The following EVC variants were observed in gnomAD, a reference collection of about 807,000 sequenced individuals.
EVC encodes the protein EvC ciliary complex subunit 1.
Under a neutral mutation model 118.9 loss-of-function variants are expected in EVC, and 116 were observed. The observed-to-expected ratio is 0.98, with a 90% CI of 0.84 to 1.14. EVC has a LOEUF of 1.14. Among genes scored for constraint, EVC ranks in the 50% most tolerant of loss-of-function variants. EVC has a pLI of 0.00. For synonymous variants in EVC, 619 were observed against 534.7 expected (o/e 1.16, Z -2.18); for missense variants, 1,401 against 1,246.4 (o/e 1.12, Z -1.87).
At chr4:5,732,961 G>A (rs1368889562) in intron 4 of EVC, among the ~76,000 whole-genome samples, 1 of 152,218 alleles carries the variant, frequency 6.6e-6, no homozygotes, top group East Asian at 1.9e-4. Flanking sequence ...AGTAAGCCGT[G>A]ATTGTACCAC....
At chr4:5,770,309 G>GA (rs1733746875) in intron 11 of EVC, among the ~76,000 whole-genome samples, 2 of 152,140 alleles carry the variant, frequency 1.3e-5, no homozygotes, top group African/African-American at 4.8e-5. Context: ...CATGCCCTAA[G>GA]GCCTCCCTGC....
chr4:5,808,458 G>A, intron 18 of EVC, 131 bp downstream of exon 18: 1 of 1,418,978 alleles, frequency 7.0e-7, no homozygotes, highest in Non-Finnish European at 9.7e-7. Context: ...TTGACCCGCT[G>A]AGTCTCACCT....
At chr4:5,783,821 A>G (rs772579539) in intron 12 of EVC, 57 bp downstream of exon 12, 1 of 1,488,046 alleles carries the variant, frequency 6.7e-7, no homozygotes, top group Non-Finnish European at 9.2e-7. Context: ...CACACGAAGA[A>G]GCGTGAGAGA....
At chr4:5,778,552 C>T (rs1305502215) in intron 11 of EVC, among the ~76,000 whole-genome samples, 30 of 152,156 alleles carry the variant, frequency 2.0e-4, no homozygotes, top group Non-Finnish European at 4.4e-5. Context: ...GAGATGATAA[C>T]TCATTGTGGT....
chr4:5,801,988 G>T lies in EVC; in HGVS notation c.2343G>T (p.Val781=). The change falls in exon 16 of 21, where the codon GTG becomes GTT. Residue 781 remains valine (V), a synonymous_variant. Coordinates refer to ENST00000264956, the MANE Select transcript of EVC (RefSeq NM_153717.3). ...LMEAAVESVY[V]TSAGVSRLVQ... is the part of the protein sequence containing the mutation. Reference sequence around the variant, plus strand: ...AGGCGGCAGTGGAGAGCGTCTACGTGACCAGCGCTGGTGTCAGCCGCCTGG... The same window carrying T: ...AGGCGGCAGTGGAGAGCGTCTACGTTACCAGCGCTGGTGTCAGCCGCCTGG... The T allele has an allele frequency of 6.2e-7, 1 of 1,614,072 alleles. No individual in the cohort carries two copies. The highest frequency in any genetic ancestry group is 1.1e-5 in the South Asian group (1 of 91,046).
chr4:5,730,350 A>G (rs536676021), intron 3 of EVC, among the ~76,000 whole-genome samples: 1 of 152,236 alleles, frequency 6.6e-6, no homozygotes, highest in Admixed American at 6.5e-5. Flanking sequence ...GGAATATTTC[A>G]CCTTGTTTAA....
chr4:5,757,386 T>C (rs1731329647), intron 11 of EVC, among the ~76,000 whole-genome samples: 1 of 152,074 alleles, frequency 6.6e-6, no homozygotes. Context: ...CATGCAGTGG[T>C]GGGAAGTGCA....
At chr4:5,821,457 G>A in the EVC span, 1 of 395,390 alleles carries the variant, frequency 2.5e-6, no homozygotes, top group Non-Finnish European at 4.6e-6. This position sits in a 1 kb window ranked among gnomAD's most constrained non-coding sequence, Gnocchi z 4.4. Flanking sequence ...AGCCAGTGGA[G>A]TTAGAAGTGG....
chr4:5,788,919 T>C (rs1304568907), intron 12 of EVC, among the ~76,000 whole-genome samples: 1 of 150,598 alleles, frequency 6.6e-6, no homozygotes, highest in East Asian at 1.9e-4. Context: ...TGAGCTGTCA[T>C]TCGTGTTAGT....
chr4:5,728,894 T>C (rs1726301149), intron 2 of EVC, among the ~76,000 whole-genome samples: 1 of 152,224 alleles, frequency 6.6e-6, no homozygotes, highest in East Asian at 1.9e-4. Context: ...ATGAACATTG[T>C]GCCATTCTCT....
rs758352741 is a variant in EVC at position 5,733,433 on chromosome 4, A to G, written c.700A>G (p.Met234Val). Residue 234 changes from methionine (M) to valine (V), a missense_variant and splice_region_variant, in exon 5 of 21, where the codon ATG (methionine) becomes GTG (valine). Coordinates refer to ENST00000264956, the MANE Select transcript of EVC (RefSeq NM_153717.3). ...CACGGCACTGAGGCAGGAAAAGCAT[A>G]TGGTAGGTGGAGATGTTCGCATTCC... Reference protein sequence around the residue: ...LDTALRQEKHMMFIQIFKMCL... With the variant: ...LDTALRQEKHVMFIQIFKMCL... 1.8e-5 allele frequency: 29 copies of G among 1,613,542 alleles called. No individual in the cohort carries two copies. Among genetic ancestry groups the G allele is most frequent in the Non-Finnish European group, 2.0e-5 (24 of 1,179,638 alleles).
rs1415308677 is a variant in EVC at position 5,729,368 on chromosome 4, AC to A, written c.366del (p.Ile123SerfsTer21). ...TTCGCCCTGAAGGCCAAAGTCATCT[AC>A]CCCATCAATCAGAAGTTCCGGGTGA... ...TAFALKAKVI[Y>X]PINQKFRPLA... On this transcript the variant is annotated frameshift_variant, in exon 3 of 21. Coordinates refer to ENST00000264956, the MANE Select transcript of EVC (RefSeq NM_153717.3). LOFTEE classifies it high-confidence loss of function. The A allele has an allele frequency of 6.2e-7, 1 of 1,613,902 alleles. No individual in the cohort carries two copies. The highest frequency in any genetic ancestry group is 8.5e-7 in the Non-Finnish European group (1 of 1,180,026).
At chr4:5,769,856 C>A (rs139143544) in intron 11 of EVC, among the ~76,000 whole-genome samples, 1 of 152,118 alleles carries the variant, frequency 6.6e-6, no homozygotes, top group Non-Finnish European at 1.5e-5. Context: ...ATAACAGGTG[C>A]TTATGAAGTG....
chr4:5,720,024 G>T (rs529898735), intron 2 of EVC, among the ~76,000 whole-genome samples: 2 of 152,196 alleles, frequency 1.3e-5, no homozygotes, highest in African/African-American at 4.8e-5. Flanking sequence ...CTGGGCCTCT[G>T]GAAGAGATGT....
chr4:5,771,401 A>G (rs945421570), intron 11 of EVC, among the ~76,000 whole-genome samples: 3 of 152,072 alleles, frequency 2.0e-5, no homozygotes, highest in Non-Finnish European at 2.9e-5. Flanking sequence ...ATTCACTTAT[A>G]AGAACCCTGT....
chr4:5,770,101 C>G (rs1261299397), intron 11 of EVC, among the ~76,000 whole-genome samples: 1 of 152,092 alleles, frequency 6.6e-6, no homozygotes, highest in Non-Finnish European at 1.5e-5. Flanking sequence ...GGTGTCCTCT[C>G]CTGGTGGAGC....
At chr4:5,744,570 A>T (rs1287634533) in intron 6 of EVC, among the ~76,000 whole-genome samples, 1 of 152,190 alleles carries the variant, frequency 6.6e-6, no homozygotes, top group Non-Finnish European at 1.5e-5. Context: ...AGCTTGGACG[A>T]TGTGGCTTAC....
At position 5,749,526 on chromosome 4, in the gene EVC, C is replaced by T. The variant is rs6813121; in HGVS notation, c.1098+1220C>T. Among the ~76,000 whole-genome samples the T allele has an allele frequency of 7.1e-4, 108 of 151,946 alleles. No individual in the cohort carries two copies. The highest frequency in any genetic ancestry group is 1.9e-3 in the South Asian group (9 of 4,802). ...TTGAACACATTACTTAACCTCTCTG[C>T]GCGTCTGTTCCTCTATTTATAAAAT... On this transcript the variant is annotated intron_variant, in intron 8 of 20. Coordinates refer to ENST00000264956, the MANE Select transcript of EVC (RefSeq NM_153717.3). This position sits in a 1 kb window ranked among gnomAD's most constrained non-coding sequence, Gnocchi z 4.4.
intron 12 of EVC, among the ~76,000 whole-genome samples, chr4:5,784,554 G>A (rs1736127022): frequency 6.6e-6 from 1 of 151,626 alleles, no homozygotes; most frequent in Non-Finnish European, 1.5e-5. Flanking sequence ...TTCAGCTACA[G>A]CTTGTAGCAA....
Sources: gnomAD v4.1 joint callset for allele counts (sites outside exome capture counted in the v4.1 genomes callset) on GRCh38, gnomAD v4.1.1 for gene constraint, Gnocchi (gnomAD v3.1) non-coding constraint, MANE v1.5 for transcripts, NCBI Gene and HGNC (gene_info 2026-07-23, HGNC 2026-07-21) for gene names.